Variants in AVEN observed in about 807,000 individuals in gnomAD.
AVEN encodes the protein cell death regulator Aven.
AVEN carries 41 observed loss-of-function variants against 38.1 expected under a neutral mutation model. The ratio of observed to expected loss-of-function variants is 1.08; its 90% CI spans 0.84 to 1.40. The LOEUF (loss-of-function observed/expected upper bound fraction) is 1.40. Among genes scored for constraint, AVEN ranks in the 40% most tolerant of loss-of-function variants. The pLI is 0.00. For missense variants in AVEN, 605 were observed against 438.8 expected, an observed-to-expected ratio of 1.38 and a Z score of -3.38; for synonymous variants, 206 against 171.8, an observed-to-expected ratio of 1.20 and a Z score of -1.56.
chr15:33,906,337 T>G (rs1159349739), intron 2 of AVEN, among the ~76,000 whole-genome samples: 2 of 152,230 alleles, frequency 1.3e-5, no homozygotes, highest in Non-Finnish European at 2.9e-5. Context: ...CACCTAGTTT[T>G]AGAGATATAA....
chr15:34,062,560 A>AAAG (rs1186738379), intron 5 of AVEN: 5 of 654,894 alleles, frequency 7.6e-6, no homozygotes, highest in African/African-American at 1.8e-5. Context: ...GTCTCAAAAA[A>AAAG]AAAAAAAAAA....
intron 2 of AVEN, among the ~76,000 whole-genome samples, chr15:33,988,415 C>A (rs938963718): frequency 2.0e-5 from 3 of 152,108 alleles, no homozygotes; most frequent in Admixed American, 6.6e-5. Context: ...GGCTTAGTTT[C>A]TACATGTATA....
chr15:34,057,105 C>T (rs1391992499), intron 5 of AVEN, among the ~76,000 whole-genome samples: 3 of 151,238 alleles, frequency 2.0e-5, no homozygotes, highest in Non-Finnish European at 2.9e-5. Context: ...ATGCCTCAGG[C>T]TCATTCCTAC....
At chr15:33,864,921 C>T, downstream of AVEN, 1 of 505,076 alleles carries the variant, frequency 2.0e-6, no homozygotes, top group Non-Finnish European at 3.5e-6. Flanking sequence ...GGGGATTTTT[C>T]TCCTTCCCTG....
chr15:33,887,979 C>CA (rs1375107759), intron 2 of AVEN, among the ~76,000 whole-genome samples: 1 of 152,166 alleles, frequency 6.6e-6, no homozygotes, highest in Admixed American at 6.5e-5. Flanking sequence ...ACACCTAGTT[C>CA]ACCCTCAGGG....
chr15:33,879,113 T>C (rs535406529), intron 2 of AVEN, among the ~76,000 whole-genome samples: 11 of 152,144 alleles, frequency 7.2e-5, no homozygotes, highest in Admixed American at 2.6e-4. Flanking sequence ...GTATGTTTAC[T>C]GCGGCACTAT....
chr15:33,976,489 G>T (rs1265980170), intron 2 of AVEN, among the ~76,000 whole-genome samples: 2 of 152,080 alleles, frequency 1.3e-5, no homozygotes, highest in Non-Finnish European at 2.9e-5. Flanking sequence ...TTTCTGCCAT[G>T]CCCGCATCAG....
intron 3 of AVEN, among the ~76,000 whole-genome samples, chr15:33,871,962 T>A (rs116670176): frequency 6.6e-6 from 1 of 152,364 alleles, no homozygotes; most frequent in African/African-American, 2.4e-5. Context: ...ATTTTGTACA[T>A]GTTTTAAAGT....
At chr15:34,027,825 C>A (rs867242393) in intron 1 of AVEN, among the ~76,000 whole-genome samples, 100 of 61,142 alleles carry the variant, frequency 1.6e-3, no homozygotes, top group African/African-American at 2.6e-3. Flanking sequence ...AGGTGAGGCT[C>A]AAAAAAAAAA....
At chr15:33,941,860 A>G (rs776188772) in intron 2 of AVEN, among the ~76,000 whole-genome samples, 19 of 152,322 alleles carry the variant, frequency 1.2e-4, no homozygotes, top group Non-Finnish European at 1.9e-4. Flanking sequence ...ATTGTTAGCT[A>G]TTTACACACT....
intron 1 of AVEN, among the ~76,000 whole-genome samples, chr15:34,032,420 G>C (rs1163567605): frequency 6.6e-6 from 1 of 152,142 alleles, no homozygotes; most frequent in Non-Finnish European, 1.5e-5. Flanking sequence ...CGATTTATGA[G>C]CGAGCTATTT....
At chr15:33,972,762 A>C (rs1895696989) in intron 2 of AVEN, among the ~76,000 whole-genome samples, 1 of 152,194 alleles carries the variant, frequency 6.6e-6, no homozygotes, top group South Asian at 2.1e-4. Context: ...CAGACCAACT[A>C]ATCCTTCCAC....
At position 33,946,753 on chromosome 15, in the gene AVEN, C is replaced by T. The variant is rs146730754; in HGVS notation, c.445+56279G>A. On this transcript the variant is annotated intron_variant, in intron 2 of 5. Coordinates refer to ENST00000306730, the MANE Select transcript of AVEN (RefSeq NM_020371.3). ...GCAGGTGCACATACCTCAGGATGGA[C>T]GCATAATTAAAGAGGGTACAGCAAA... 5.9e-3 allele frequency among the ~76,000 whole-genome samples: 905 copies of T among 152,186 alleles called. 7 individuals are homozygous for T. The highest frequency in any genetic ancestry group is 0.014 in the Middle Eastern group (4 of 294).
chr15:34,053,860 G>A (rs578121305), intron 5 of AVEN, among the ~76,000 whole-genome samples: 136 of 152,198 alleles, frequency 8.9e-4, no homozygotes, highest in Admixed American at 1.4e-3. Context: ...CCTCTGCACA[G>A]CAAAAGAAAC....
chr15:34,020,387 C>T (rs916386019), intron 1 of AVEN, among the ~76,000 whole-genome samples: 4 of 152,152 alleles, frequency 2.6e-5, no homozygotes, highest in African/African-American at 9.7e-5. Flanking sequence ...TTACTGATGC[C>T]TTTACAAGTT....
rs753297723 is a variant in AVEN at position 33,866,744 on chromosome 15, CAATGTT to C, written c.974-22_974-17del. 4 of 1,556,900 alleles carry C rather than the reference CAATGTT, an allele frequency of 2.6e-6. No homozygotes were observed. The highest frequency in any genetic ancestry group is 2.7e-6 in the Non-Finnish European group (3 of 1,128,578). ...TTTGCACAAACTGGGGGAAAAAAAA[CAATGTT>C]AACACCCTCAGATGAGTCCTAAAAT... is the stretch of plus-strand genomic sequence containing the variant. On this transcript the variant is annotated splice_polypyrimidine_tract_variant and intron_variant, in intron 5 of 5. Transcript: ENST00000306730.
At chr15:33,924,864 C>G (rs187287678) in intron 2 of AVEN, among the ~76,000 whole-genome samples, 1 of 152,092 alleles carries the variant, frequency 6.6e-6, no homozygotes, top group African/African-American at 2.4e-5. Context: ...AATTTGGAAC[C>G]TACTCTGAAT....
chr15:34,045,712 A>G (rs185916601), intron 5 of AVEN, among the ~76,000 whole-genome samples: 2 of 137,960 alleles, frequency 1.4e-5, no homozygotes, highest in Non-Finnish European at 3.1e-5. Flanking sequence ...AAAAAAAAAA[A>G]GGTGTTTCAG....
intron 2 of AVEN, chr15:34,067,279 T>C (rs1289175932): frequency 6.6e-6 from 1 of 152,246 alleles, no homozygotes; most frequent in African/African-American, 2.4e-5. Flanking sequence ...TTGGTGAATG[T>C]CCTTTGAAGA....
Sources: gnomAD v4.1 joint callset for allele counts (sites outside exome capture counted in the v4.1 genomes callset) on GRCh38, gnomAD v4.1.1 for gene constraint, MANE v1.5 for transcripts, NCBI Gene and HGNC (gene_info 2026-07-23, HGNC 2026-07-21) for gene names.